Variants in SGSH observed in about 807,000 individuals in gnomAD.
SGSH encodes N-sulfoglucosamine sulfohydrolase.
In SGSH, 48 loss-of-function variants were observed where a neutral mutation model predicts 51.0. That is an observed-to-expected ratio of 0.94 (90% confidence interval 0.75 to 1.20). The LOEUF is 1.20. Ranked by LOEUF, SGSH falls within the 50% of genes most tolerant of loss-of-function variation. The pLI is 0.00. For synonymous variants in SGSH, 321 were observed against 313.4 expected (o/e 1.02, Z -0.26); for missense variants, 662 against 717.8 (o/e 0.92, Z 0.89).
At chr17:80,206,392 T>C (rs1455681337), downstream of SGSH, among the ~76,000 whole-genome samples, 2 of 152,236 alleles carry the variant, frequency 1.3e-5, no homozygotes, top group African/African-American at 2.4e-5. Context: ...GGCGGGAAGA[T>C]TGCTTGAGCC....
downstream of SGSH, chr17:80,201,845 C>G: frequency 6.2e-7 from 1 of 1,613,796 alleles, no homozygotes. This position sits in a 1 kb window ranked among gnomAD's most constrained non-coding sequence, Gnocchi z 5.0. Context: ...GCTTCTGCTG[C>G]CTGTCTGTGA....
At chr17:80,211,050 A>G (rs759184649) in intron 7 of SGSH, 39 bp from the exon 8 acceptor site, 3 of 1,597,098 alleles carry the variant, frequency 1.9e-6, no homozygotes, top group East Asian at 2.2e-5. Flanking sequence ...CAGAGCCCTC[A>G]GCACACAGGA....
At position 80,213,270 on chromosome 17, in the gene SGSH, G is replaced by A. The variant is rs1293087693; in HGVS notation, c.745+534C>T. On this transcript the variant is annotated intron_variant, in intron 6 of 7. Coordinates refer to ENST00000326317, the MANE Select transcript of SGSH (RefSeq NM_000199.5). This position sits in a 1 kb window ranked among gnomAD's most constrained non-coding sequence, Gnocchi z 4.6. Reference sequence around the variant, plus strand: ...AAGGCCATGTGAAGGCTTCAGCGGGGATGGGGGCGATTCTGCCGCCAGCCC... The same window carrying A: ...AAGGCCATGTGAAGGCTTCAGCGGGAATGGGGGCGATTCTGCCGCCAGCCC... 6.5e-6 allele frequency: 1 copy of A among 154,398 alleles called. No homozygotes were observed. The highest frequency in any genetic ancestry group is 6.5e-5 in the Admixed American group (1 of 15,494). The allele number at this position is 154,398 out of a possible 1,614,324, so 9.6% of individuals were successfully genotyped here.
Position 80,213,783 on chromosome 17 carries a change from T to C in SGSH, c.745+21A>G. 1 of 1,585,836 alleles carries C rather than the reference T, an allele frequency of 6.3e-7. No homozygotes were observed. Among genetic ancestry groups the C allele is most frequent in the Non-Finnish European group, 8.5e-7 (1 of 1,170,968 alleles). ...ACCCCGGCCGTGGCACCCCCTCCAG[T>C]GCCCGGTTCTGCAAGCCCACCTTGG... is the stretch of plus-strand genomic sequence containing the variant. On this transcript the variant is annotated intron_variant, in intron 6 of 7. Coordinates refer to ENST00000326317, the MANE Select transcript of SGSH (RefSeq NM_000199.5). The surrounding 1 kb of genome is among the most constrained non-coding windows in gnomAD (Gnocchi z 4.6).
rs899340401 is a variant in SGSH at position 80,210,378 on chromosome 17, T to C, written c.*74A>G. 12 of 1,483,670 alleles carry C rather than the reference T, an allele frequency of 8.1e-6. No individual in the cohort carries two copies. The Admixed American group carries it at 8.5e-5, about 10-fold the overall frequency. The allele number at this position is 1,483,670 out of a possible 1,614,324, so 91.9% of individuals were successfully genotyped here. A position where few individuals can be genotyped will look rare whatever the true frequency, so the allele number is the denominator to read the frequency against. The stretch of plus-strand genomic sequence containing the variant: ...GGGCTGTTGCCACTACTCCCCAGGC[T>C]GGCCGGCCACACGGACACGTGTGGG... On this transcript the variant is annotated 3_prime_UTR_variant, in exon 8 of 8. Coordinates refer to ENST00000326317, the MANE Select transcript of SGSH (RefSeq NM_000199.5).
chr17:80,217,257 G>A, intron 1 of SGSH, 65 bp from the exon 2 acceptor site: 3 of 1,545,190 alleles, frequency 1.9e-6, no homozygotes, highest in South Asian at 1.2e-5. Flanking sequence ...CACTGGGAGT[G>A]AGGGAGGCTG....
chr17:80,207,032 C>T, downstream of SGSH: 2 of 1,614,112 alleles, frequency 1.2e-6, no homozygotes, highest in Non-Finnish European at 1.7e-6. Context: ...GGATGGACAT[C>T]TTCCCCATCG....
At chr17:80,203,742 A>T, downstream of SGSH, 1 of 1,099,104 alleles carries the variant, frequency 9.1e-7, no homozygotes, top group Non-Finnish European at 1.3e-6. This position sits in a 1 kb window ranked among gnomAD's most constrained non-coding sequence, Gnocchi z 4.6. Flanking sequence ...CATCTCCCCC[A>T]CTCTCCCCTG....
chr17:80,213,785 C>G lies in SGSH; in HGVS notation c.745+19G>C, dbSNP rs951397766. On this transcript the variant is annotated intron_variant, in intron 6 of 7. Transcript: ENST00000326317. This position sits in a 1 kb window ranked among gnomAD's most constrained non-coding sequence, Gnocchi z 4.6. ...CCCGGCCGTGGCACCCCCTCCAGTG[C>G]CCGGTTCTGCAAGCCCACCTTGGTC... 5.7e-6 allele frequency: 9 copies of G among 1,587,916 alleles called. No individual in the cohort carries two copies. Among genetic ancestry groups the G allele is most frequent in the Non-Finnish European group, 7.7e-6 (9 of 1,172,112 alleles).
chr17:80,214,041 G>T, intron 5 of SGSH, 131 bp downstream of exon 5: 1 of 1,366,510 alleles, frequency 7.3e-7, no homozygotes, highest in Non-Finnish European at 1.0e-6. Context: ...CCCCGAGGTT[G>T]GGAACCTGAA....
chr17:80,203,625 T>G, downstream of SGSH: 5 of 504,674 alleles, frequency 9.9e-6, no homozygotes, highest in South Asian at 9.7e-5. This position sits in a 1 kb window ranked among gnomAD's most constrained non-coding sequence, Gnocchi z 4.6. Flanking sequence ...GGCCCTGGAG[T>G]CTTTTGAAAG....
At chr17:80,211,830 G>C in intron 7 of SGSH, 1 of 575,784 alleles carries the variant, frequency 1.7e-6, no homozygotes, top group East Asian at 2.9e-5. Context: ...GGTTTTGAAA[G>C]CAGCAGGATC....
chr17:80,214,923 G>A, intron 3 of SGSH, 110 bp downstream of exon 3: 1 of 1,281,292 alleles, frequency 7.8e-7, no homozygotes, highest in South Asian at 1.2e-5. Context: ...AAGAGCTAAG[G>A]GCAGGCCACG....
Position 80,209,535 on chromosome 17 carries a change from A to T in SGSH, c.*917T>A. 1 of 985,324 alleles carries T rather than the reference A, an allele frequency of 1.0e-6. No homozygotes were observed. The highest frequency in any genetic ancestry group is 4.7e-5 in the South Asian group (1 of 21,286). The allele number at this position is 985,324 out of a possible 1,614,324, so 61.0% of individuals were successfully genotyped here. ...CCCAGCAACGCCGACGTCATCCAAG[A>T]ATTAACCCAAGCCAGAGGACGGGCA... On this transcript the variant is annotated 3_prime_UTR_variant, in exon 8 of 8. Transcript: ENST00000326317.
At chr17:80,202,523 G>A (rs2041039981), downstream of SGSH, 1 of 1,511,154 alleles carries the variant, frequency 6.6e-7, no homozygotes, top group Non-Finnish European at 8.8e-7. Context: ...TAGAGGGTGG[G>A]CGTGGTGAGA....
At position 80,210,446 on chromosome 17, in the gene SGSH, G is replaced by C; in HGVS notation, c.*6C>G. 2 of 1,589,580 alleles carry C rather than the reference G, an allele frequency of 1.3e-6. No homozygotes were observed. The highest frequency in any genetic ancestry group is 1.7e-6 in the Non-Finnish European group (2 of 1,173,414). On this transcript the variant is annotated 3_prime_UTR_variant, in exon 8 of 8. Transcript: ENST00000326317. Reference sequence around the variant, plus strand: ...CTGGGATGTGTGCACAGGCCTCCTGGGATGGTCACAGCTCATTGTGGAGGG... The same window carrying C: ...CTGGGATGTGTGCACAGGCCTCCTGCGATGGTCACAGCTCATTGTGGAGGG...
chr17:80,206,712 A>C (rs1442501430), downstream of SGSH: 1 of 200,858 alleles, frequency 5.0e-6, no homozygotes, highest in Non-Finnish European at 1.0e-5. Context: ...GCTTGCAGTG[A>C]GCCGAGATCG....
At chr17:80,204,068 G>A, downstream of SGSH, 3 of 824,368 alleles carry the variant, frequency 3.6e-6, no homozygotes, top group Non-Finnish European at 5.7e-6. Context: ...CAGCCTGCAG[G>A]CTCTTGCACA....
rs145967352 is a variant in SGSH, at chr17:80,213,873, C to T, written c.676G>A (p.Val226Ile). 116 of 1,607,848 alleles carry T rather than the reference C, an allele frequency of 7.2e-5. No homozygotes were observed. Among genetic ancestry groups the T allele is most frequent in the African/African-American group, 3.2e-4 (24 of 74,906 alleles). ...DPLDVLVPYF[V>I]PNTPAARADL... ...GCTCGGGCTGCCGGGGTGTTGGGGA[C>T]GAAGTAAGGCACCTGGGGCAGGCGG... The change falls in exon 6 of 8, where the codon GTC becomes ATC. Residue 226 changes from valine (V) to isoleucine (I), a missense_variant. Coordinates refer to ENST00000326317, the MANE Select transcript of SGSH (RefSeq NM_000199.5). The surrounding 1 kb of genome is among the most constrained non-coding windows in gnomAD (Gnocchi z 4.6).
Sources: gnomAD v4.1 joint callset for allele counts (sites outside exome capture counted in the v4.1 genomes callset) on GRCh38, gnomAD v4.1.1 for gene constraint, Gnocchi (gnomAD v3.1) non-coding constraint, MANE v1.5 for transcripts, NCBI Gene and HGNC (gene_info 2026-07-23, HGNC 2026-07-21) for gene names.